CUEDC1: variants seen among roughly 807,000 people sequenced by gnomAD.
The protein encoded by CUEDC1 is CUE domain-containing protein 1.
In CUEDC1, 30 loss-of-function variants were observed where a neutral mutation model predicts 43.7. The observed-to-expected ratio is 0.69, with a 90% CI of 0.51 to 0.93. The LOEUF is 0.93. CUEDC1 is among the 40% of genes least tolerant of loss of function. The pLI is 0.00. For synonymous variants in CUEDC1, 223 were observed against 223.6 expected, an observed-to-expected ratio of 1.00 and a Z score of 0.02; for missense variants, 486 against 549.0, an observed-to-expected ratio of 0.89 and a Z score of 1.15.
chr17:57,947,887 A>G (rs1488165008), intron 1 of CUEDC1, among the ~76,000 whole-genome samples: 1 of 152,214 alleles, frequency 6.6e-6, no homozygotes, highest in Non-Finnish European at 1.5e-5. Context: ...TTATGACTGA[A>G]CATAATGTCA....
chr17:57,915,427 T>A (rs915924322), intron 1 of CUEDC1, among the ~76,000 whole-genome samples: 1 of 151,898 alleles, frequency 6.6e-6, no homozygotes, highest in African/African-American at 2.4e-5. Context: ...ACACATCCTT[T>A]GCTAAATTTA....
At chr17:57,886,816 T>G (rs1291188158) in intron 1 of CUEDC1, among the ~76,000 whole-genome samples, 3 of 141,074 alleles carry the variant, frequency 2.1e-5, no homozygotes, top group Admixed American at 6.9e-5. Context: ...AAATTCTGGT[T>G]GTTTTTTTTT....
At chr17:57,909,958 T>C (rs1418361416) in intron 1 of CUEDC1, among the ~76,000 whole-genome samples, 1 of 152,172 alleles carries the variant, frequency 6.6e-6, no homozygotes, top group East Asian at 1.9e-4. Flanking sequence ...AGCAACACAA[T>C]GACTGGGTGT....
rs1171176874 is a variant in CUEDC1, at chr17:57,885,528, C to G, written c.37G>C (p.Gly13Arg). The change falls in exon 2 of 11, where the codon GGC becomes CGC. Residue 13 changes from glycine to arginine, a missense_variant. Transcript: ENST00000577830. ...CGTGCCCCGGCGGTGCCACCCCCGCCGCTGCCGCTGCTGCTCCGGCGGAAC... is the reference window on the plus strand; with the variant it reads ...CGTGCCCCGGCGGTGCCACCCCCGCGGCTGCCGCTGCTGCTCCGGCGGAAC... The part of the protein sequence containing the change: ...SLFRRSSSGS[G>R]GGGTAGARGG... 7.2e-7 allele frequency: 1 copy of G among 1,387,870 alleles called. No homozygotes were observed. Among genetic ancestry groups the G allele is most frequent in the African/African-American group, 1.5e-5 (1 of 66,214 alleles). The allele number at this position is 1,387,870 out of a possible 1,614,324, so 86.0% of individuals were successfully genotyped here. A position where few individuals can be genotyped will look rare whatever the true frequency, so the allele number is the denominator to read the frequency against.
At chr17:57,925,118 TA>T (rs11413908) in intron 1 of CUEDC1, among the ~76,000 whole-genome samples, 449 of 142,694 alleles carry the variant, frequency 3.1e-3, no homozygotes, top group South Asian at 9.1e-3. Context: ...TTGTGCACAT[TA>T]AAAAAAAAAA....
chr17:57,877,922 A>G, intron 3 of CUEDC1, among the ~76,000 whole-genome samples: 1 of 150,008 alleles, frequency 6.7e-6, no homozygotes, highest in East Asian at 1.9e-4. Flanking sequence ...AAGGAAAATC[A>G]TTTAGCCCAG....
intron 1 of CUEDC1, among the ~76,000 whole-genome samples, chr17:57,933,823 C>A (rs1416411424): frequency 6.6e-6 from 1 of 152,088 alleles, no homozygotes; most frequent in East Asian, 1.9e-4. Context: ...CTATTTGGAG[C>A]CCGACTTATG....
At chr17:57,944,260 G>C (rs2074941885) in intron 1 of CUEDC1, among the ~76,000 whole-genome samples, 1 of 148,908 alleles carries the variant, frequency 6.7e-6, no homozygotes, top group Non-Finnish European at 1.5e-5. Context: ...GCACAGGCTG[G>C]TGTGCAATGG....
chr17:57,934,934 C>T (rs997936600), intron 1 of CUEDC1, among the ~76,000 whole-genome samples: 4 of 152,164 alleles, frequency 2.6e-5, no homozygotes, highest in Admixed American at 6.5e-5. Flanking sequence ...TCTCGAACTC[C>T]TGAGCTCAGG....
chr17:57,907,513 C>T (rs1055255423), intron 1 of CUEDC1, among the ~76,000 whole-genome samples: 2 of 152,016 alleles, frequency 1.3e-5, no homozygotes, highest in Admixed American at 6.5e-5. Flanking sequence ...CTAGTAAATA[C>T]CTCTGTACAT....
rs548391568 is a variant in CUEDC1 at position 57,885,766 on chromosome 17, T to C, written c.-202A>G. 2.7e-6 allele frequency: 2 copies of C among 748,922 alleles called. No individual in the cohort carries two copies. The highest frequency in any genetic ancestry group is 9.0e-5 in the Admixed American group (2 of 22,256). 46.4% of individuals were successfully genotyped at this position (748,922 alleles called of 1,614,324 possible). ...CGGGCGCGGGGCCCCAGGCAGCCCT[T>C]GGAGAGCGGTCCTCGCGGGGCGGTG... On this transcript the variant is annotated 5_prime_UTR_variant, in exon 2 of 11. Coordinates refer to ENST00000577830, the MANE Select transcript of CUEDC1 (RefSeq NM_001271875.2).
At position 57,955,264 on chromosome 17, in the gene CUEDC1, G is replaced by A. The variant is rs1406891447; in HGVS notation, c.-355C>T. 4 of 146,378 alleles carry A rather than the reference G, an allele frequency of 2.7e-5. No homozygotes were observed. The East Asian group carries it at 7.9e-4, about 29-fold the overall frequency. 9.1% of individuals were successfully genotyped at this position (146,378 alleles called of 1,614,324 possible). On this transcript the variant is annotated 5_prime_UTR_variant, in exon 1 of 11. Transcript: ENST00000577830. This position sits in a 1 kb window ranked among gnomAD's most constrained non-coding sequence, Gnocchi z 5.3. The stretch of plus-strand genomic sequence containing the variant: ...CGCGTCCGCTCCGCGCGGGCCGCAG[G>A]GGCCGGGCCGCGGGCCGGGCGGGGG...
intron 2 of CUEDC1, among the ~76,000 whole-genome samples, chr17:57,883,694 G>T (rs1477726832): frequency 1.3e-5 from 2 of 152,060 alleles, no homozygotes; most frequent in Non-Finnish European, 2.9e-5. Context: ...TTGCACTCCA[G>T]CCTGGGCGAC....
At chr17:57,928,003 G>A (rs991302053) in intron 1 of CUEDC1, among the ~76,000 whole-genome samples, 2 of 152,182 alleles carry the variant, frequency 1.3e-5, no homozygotes, top group Admixed American at 6.5e-5. Flanking sequence ...TCCAAAGCCT[G>A]TGTATTTAAC....
intron 1 of CUEDC1, among the ~76,000 whole-genome samples, chr17:57,891,473 G>A (rs555775482): frequency 1.8e-4 from 27 of 152,126 alleles, no homozygotes; most frequent in African/African-American, 5.8e-4. Flanking sequence ...TGCCTCCCAC[G>A]TGTTGGCCTA....
chr17:57,908,363 T>A (rs2074549737), intron 1 of CUEDC1, among the ~76,000 whole-genome samples: 1 of 152,116 alleles, frequency 6.6e-6, no homozygotes, highest in Non-Finnish European at 1.5e-5. Flanking sequence ...GGTCATCAGG[T>A]TCTTCTTGAA....
At chr17:57,896,990 C>T (rs535957017) in intron 1 of CUEDC1, among the ~76,000 whole-genome samples, 7 of 152,068 alleles carry the variant, frequency 4.6e-5, no homozygotes, top group African/African-American at 1.2e-4. Context: ...AGGCTGGTCT[C>T]GAACTCCTGA....
intron 1 of CUEDC1, among the ~76,000 whole-genome samples, chr17:57,895,154 T>C (rs556829973): frequency 6.6e-6 from 1 of 152,228 alleles, no homozygotes; most frequent in Non-Finnish European, 1.5e-5. Flanking sequence ...TGCATATTAC[T>C]ACTGCTATTT....
intron 7 of CUEDC1, 65 bp downstream of exon 7, chr17:57,869,057 C>A: frequency 6.4e-7 from 1 of 1,552,732 alleles, no homozygotes; most frequent in Non-Finnish European, 8.9e-7. Context: ...TCCCTCACTC[C>A]TGGGAGGCCA....
Sources: allele counts gnomAD v4.1 joint callset (sites outside exome capture counted in the v4.1 genomes callset), GRCh38; gene constraint gnomAD v4.1.1; non-coding constraint Gnocchi (gnomAD v3.1); transcripts MANE v1.5; gene names NCBI Gene and HGNC (gene_info 2026-07-23, HGNC 2026-07-21).